Variants in DPP10 observed in about 807,000 individuals in gnomAD.
The protein encoded by DPP10 is dipeptidyl peptidase like 10.
DPP10 carries 33 observed loss-of-function variants against 120.9 expected under a neutral mutation model. That is an observed-to-expected ratio of 0.27 (90% CI 0.21 to 0.37). DPP10 has a LOEUF of 0.37. Ranked by LOEUF, DPP10 falls within the 10% of genes least tolerant of loss-of-function variation. DPP10 has a pLI of 1.00. For synonymous variants in DPP10, 337 were observed against 326.1 expected, an observed-to-expected ratio of 1.03 and a Z score of -0.36; for missense variants, 816 against 942.8, an observed-to-expected ratio of 0.87 and a Z score of 1.76.
At chr2:115,641,743 A>C (rs2086798457) in intron 5 of DPP10, among the ~76,000 whole-genome samples, 1 of 151,936 alleles carries the variant, frequency 6.6e-6, no homozygotes. Context: ...AAATGAATGG[A>C]TAAATGGAAG....
chr2:114,579,951 G>T (rs1690365160), intron 1 of DPP10, among the ~76,000 whole-genome samples: 1 of 152,172 alleles, frequency 6.6e-6, no homozygotes, highest in Non-Finnish European at 1.5e-5. Flanking sequence ...ATGTGAATTT[G>T]TTTTGTGAAA....
At chr2:115,317,604 C>T (rs918425942) in intron 2 of DPP10, among the ~76,000 whole-genome samples, 1 of 151,546 alleles carries the variant, frequency 6.6e-6, no homozygotes, top group East Asian at 1.9e-4. Context: ...TCCAGTTTCT[C>T]CAAATTCTTA....
chr2:115,381,657 C>T (rs1340011111), intron 3 of DPP10, among the ~76,000 whole-genome samples: 3 of 152,202 alleles, frequency 2.0e-5, no homozygotes, highest in African/African-American at 2.4e-5. Flanking sequence ...AGTTTTTCTG[C>T]TCTGGTTTTT....
At chr2:114,730,088 G>T (rs1402731118) in intron 1 of DPP10, among the ~76,000 whole-genome samples, 1 of 151,532 alleles carries the variant, frequency 6.6e-6, no homozygotes, top group East Asian at 1.9e-4. Context: ...AGCATTCTCT[G>T]AATAAATGCA....
At chr2:115,147,317 TAAAC>T (rs1007726608) in intron 1 of DPP10, among the ~76,000 whole-genome samples, 1 of 152,012 alleles carries the variant, frequency 6.6e-6, no homozygotes, top group African/African-American at 2.4e-5. Context: ...TTAATTAAAA[TAAAC>T]AGACATGTTT....
intron 7 of DPP10, among the ~76,000 whole-genome samples, chr2:115,710,593 A>T (rs922492538): frequency 2.0e-5 from 3 of 151,876 alleles, no homozygotes; most frequent in African/African-American, 7.2e-5. Flanking sequence ...AACAATGTTC[A>T]TTTTTTTTCT....
chr2:115,371,037 G>C lies in DPP10; in HGVS notation c.271+27125G>C, dbSNP rs923877087. ...TTAAATGAATTGTTAAAAAATTAAA[G>C]GTTTAAACATTTTGCCTAAATGAAT... On this transcript the variant is annotated intron_variant, in intron 3 of 25. Coordinates refer to ENST00000410059, the MANE Select transcript of DPP10 (RefSeq NM_020868.6). 7.9e-5 allele frequency among the ~76,000 whole-genome samples: 12 copies of C among 152,070 alleles called. No individual in the cohort carries two copies. In the East Asian group the frequency reaches 2.3e-3, roughly 29 times the overall value.
intron 1 of DPP10, among the ~76,000 whole-genome samples, chr2:114,760,983 C>A (rs1004164682): frequency 6.6e-6 from 1 of 152,140 alleles, no homozygotes; most frequent in African/African-American, 2.4e-5. Context: ...TTCTTGACTA[C>A]TTTGACTTTA....
At chr2:115,356,727 C>T (rs1172629442) in intron 3 of DPP10, among the ~76,000 whole-genome samples, 1 of 152,146 alleles carries the variant, frequency 6.6e-6, no homozygotes, top group Non-Finnish European at 1.5e-5. Flanking sequence ...AGATATGTTG[C>T]ATCAATAGCT....
At chr2:115,546,538 T>A (rs1290589557) in intron 5 of DPP10, among the ~76,000 whole-genome samples, 1 of 152,160 alleles carries the variant, frequency 6.6e-6, no homozygotes, top group African/African-American at 2.4e-5. Context: ...CTCATTTATT[T>A]TCATGCTGAT....
chr2:115,804,274 A>T (rs922487156), intron 19 of DPP10, among the ~76,000 whole-genome samples: 1 of 152,120 alleles, frequency 6.6e-6, no homozygotes, highest in Non-Finnish European at 1.5e-5. Context: ...CTTGGTTTTC[A>T]GCTCCAACAG....
At position 115,334,230 on chromosome 2, in the gene DPP10, G is replaced by GTT; in HGVS notation, c.176-9572_176-9571dup. Among the ~76,000 whole-genome samples, 138 of 56,410 alleles carry GTT rather than the reference G, an allele frequency of 2.4e-3. 23 individuals are homozygous for GTT. The highest frequency in any genetic ancestry group is 0.012 in the Middle Eastern group (1 of 84). 37.0% of individuals were successfully genotyped at this position (56,410 alleles called of 152,430 possible). A position where few individuals can be genotyped will look rare whatever the true frequency, so the allele number is the denominator to read the frequency against. ...TCAGGAATGGACCAGAGCAGACTCT[G>GTT]TTTTTTTTTTTTTTTTAAGAAACCT... On this transcript the variant is annotated intron_variant, in intron 2 of 25. Transcript: ENST00000410059.
At chr2:114,889,932 A>C (rs1221062149) in intron 1 of DPP10, among the ~76,000 whole-genome samples, 1 of 152,222 alleles carries the variant, frequency 6.6e-6, no homozygotes, top group African/African-American at 2.4e-5. Flanking sequence ...ATTGATTTGC[A>C]AAGGCCAAGT....
intron 1 of DPP10, among the ~76,000 whole-genome samples, chr2:115,185,711 T>C (rs548225839): frequency 6.6e-6 from 1 of 152,198 alleles, no homozygotes; most frequent in African/African-American, 2.4e-5. Context: ...TTTAATGATA[T>C]CCAATTCGGC....
In DPP10 at chr2:115,298,244, A is replaced by G. The variant is rs182821102; in HGVS notation, c.61-10995A>G. Among the ~76,000 whole-genome samples, 363 of 152,220 alleles carry G rather than the reference A, an allele frequency of 2.4e-3. 1 individual carries two copies. Among genetic ancestry groups the G allele is most frequent in the Non-Finnish European group, 4.3e-3 (291 of 67,974 alleles). On this transcript the variant is annotated intron_variant, in intron 1 of 25. Transcript: ENST00000410059. ...AAATAACACGTATGGAGGAAGATTCATAAGCCTGATCATGTGTGTTAGGCA... is the reference window on the plus strand; with the variant it reads ...AAATAACACGTATGGAGGAAGATTCGTAAGCCTGATCATGTGTGTTAGGCA...
intron 1 of DPP10, among the ~76,000 whole-genome samples, chr2:115,198,479 A>G (rs149483584): frequency 1.2e-3 from 183 of 152,236 alleles, no homozygotes; most frequent in African/African-American, 4.1e-3. Context: ...CACTCTGTAT[A>G]TACACCTCCA....
intron 12 of DPP10, among the ~76,000 whole-genome samples, chr2:115,766,665 A>C (rs1174687101): frequency 6.6e-6 from 1 of 152,078 alleles, no homozygotes; most frequent in Non-Finnish European, 1.5e-5. Flanking sequence ...AAGAAGTCTA[A>C]TTGGCTCACA....
intron 19 of DPP10, among the ~76,000 whole-genome samples, chr2:115,813,358 G>A (rs1385258868): frequency 1.3e-5 from 2 of 152,146 alleles, no homozygotes; most frequent in African/African-American, 4.8e-5. Context: ...GCAGACGACC[G>A]CCCTCTTTGC....
In DPP10 at chr2:115,488,796, G is replaced by A. The variant is rs1224278467; in HGVS notation, c.272-10714G>A. Among the ~76,000 whole-genome samples, 33 of 133,444 alleles carry A rather than the reference G, an allele frequency of 2.5e-4. 1 individual carries two copies. The highest frequency in any genetic ancestry group is 9.1e-4 in the African/African-American group (32 of 35,100). The allele number at this position is 133,444 out of a possible 152,430, so 87.5% of individuals were successfully genotyped here. Reference sequence around the variant, plus strand: ...CCTAATGCTAGATGACACATTAGTGGGTGCAGCGCACCAGCATGGCACATG... The same window carrying A: ...CCTAATGCTAGATGACACATTAGTGAGTGCAGCGCACCAGCATGGCACATG... On this transcript the variant is annotated intron_variant, in intron 3 of 25. Coordinates refer to ENST00000410059, the MANE Select transcript of DPP10 (RefSeq NM_020868.6).
Sources: gnomAD v4.1 joint callset for allele counts (sites outside exome capture counted in the v4.1 genomes callset) on GRCh38, gnomAD v4.1.1 for gene constraint, MANE v1.5 for transcripts, NCBI Gene and HGNC (gene_info 2026-07-23, HGNC 2026-07-21) for gene names.